Variants in CNOT10 observed in about 807,000 individuals in gnomAD.
CNOT10 encodes the protein CCR4-NOT transcription complex, subunit 10.
A neutral mutation model predicts 94.6 loss-of-function variants in CNOT10; 30 were observed. The observed-to-expected ratio is 0.32, with a 90% confidence interval of 0.24 to 0.43. The LOEUF (loss-of-function observed/expected upper bound fraction) is 0.43. Among genes scored for constraint, CNOT10 ranks in the 20% least tolerant of loss-of-function variants. CNOT10 has a pLI of 1.00. For synonymous variants in CNOT10, 289 were observed against 301.6 expected (o/e 0.96, Z 0.43); for missense variants, 759 against 877.2 (o/e 0.87, Z 1.70).
At position 32,733,493 on chromosome 3, in the gene CNOT10, A is replaced by C. The variant is rs1559499763; in HGVS notation, c.1286A>C (p.Tyr429Ser). 6 of 1,605,552 alleles carry C rather than the reference A, an allele frequency of 3.7e-6. No homozygotes were observed. The highest frequency in any genetic ancestry group is 5.1e-6 in the Non-Finnish European group (6 of 1,173,784). ...GIVQSIVGQG[Y>S]HRKIVLASQS... ...GTACAGTCTATTGTTGGTCAAGGCT[A>C]TCATCGTAAAATAGTTTTGGCATCA... is the stretch of plus-strand genomic sequence containing the variant. The change falls in exon 11 of 19, where the codon TAT (tyrosine) becomes TCT (serine). Residue 429 changes from tyrosine (Y) to serine (S), a missense_variant. Tyr to Ser is a moderately radical substitution (Grantham distance 144, BLOSUM62 -2). Transcript: ENST00000328834.
chr3:32,758,973 G>T (rs553916203), intron 13 of CNOT10, among the ~76,000 whole-genome samples: 1 of 152,150 alleles, frequency 6.6e-6, no homozygotes, highest in Non-Finnish European at 1.5e-5. Flanking sequence ...GTTGAGAAAA[G>T]AACATTTAAA....
At position 32,725,455 on chromosome 3, in the gene CNOT10, T is replaced by C; in HGVS notation, c.868T>C (p.Cys290Arg). 6.2e-7 allele frequency: 1 copy of C among 1,612,756 alleles called. No individual in the cohort carries two copies. Among genetic ancestry groups the C allele is most frequent in the African/African-American group, 1.3e-5 (1 of 75,010 alleles). Residue 290 changes from cysteine (C) to arginine (R), a missense_variant, in exon 9 of 19, where the codon TGC becomes CGC. Cys to Arg is a radical substitution (Grantham distance 180). Around this residue, in one of 3 missense-constraint regions of CNOT10, gnomAD observed 682 missense variants for 799.4 expected, o/e 0.85. Transcript: ENST00000328834. ...TTTATTTGCATTTTTTTCAGGTGAA[T>C]GCTTGAGATGCATGTTCTGGAATAA... ...EHPGFMKTGE[C>R]LRCMFWNNLG... is the part of the protein sequence containing the mutation.
At chr3:32,771,190 G>C (rs962616699) in intron 18 of CNOT10, among the ~76,000 whole-genome samples, 2 of 152,006 alleles carry the variant, frequency 1.3e-5, no homozygotes, top group African/African-American at 2.4e-5. Context: ...AGCTGGGTGT[G>C]GTGGTGTGCG....
At chr3:32,707,760 G>T (rs1402866722) in intron 3 of CNOT10, among the ~76,000 whole-genome samples, 1 of 151,796 alleles carries the variant, frequency 6.6e-6, no homozygotes, top group Non-Finnish European at 1.5e-5. Flanking sequence ...CTGAGTTCGT[G>T]CCACTGCACT....
chr3:32,737,813 AAAAG>A (rs1327170220), intron 13 of CNOT10, among the ~76,000 whole-genome samples: 1 of 152,160 alleles, frequency 6.6e-6, no homozygotes, highest in Non-Finnish European at 1.5e-5. Flanking sequence ...CTCAAAAAAA[AAAAG>A]AACACATTCT....
chr3:32,760,623 C>T (rs1478218884), intron 14 of CNOT10, among the ~76,000 whole-genome samples: 1 of 152,096 alleles, frequency 6.6e-6, no homozygotes, highest in Non-Finnish European at 1.5e-5. Flanking sequence ...CACAGCAAGA[C>T]TCCCTCTCAA....
At chr3:32,722,705 C>T (rs1012579771) in intron 8 of CNOT10, among the ~76,000 whole-genome samples, 2 of 152,086 alleles carry the variant, frequency 1.3e-5, no homozygotes, top group Admixed American at 6.6e-5. Context: ...GATGGCCAGG[C>T]GTGGTGGCTC....
intron 8 of CNOT10, among the ~76,000 whole-genome samples, chr3:32,720,929 TCCTTCCCTTCTTC>T (rs1698365079): frequency 7.1e-6 from 1 of 140,752 alleles, no homozygotes; most frequent in Non-Finnish European, 1.5e-5. Flanking sequence ...CTTCCTTCCT[TCCTTCCCTTCTTC>T]CCTTCCTTCC....
intron 13 of CNOT10, among the ~76,000 whole-genome samples, chr3:32,743,168 G>T (rs1236763792): frequency 6.6e-6 from 1 of 151,674 alleles, no homozygotes; most frequent in Non-Finnish European, 1.5e-5. Context: ...TATATTTTTA[G>T]TAGAGGTGGG....
chr3:32,698,797 G>A (rs1697196445), intron 1 of CNOT10, among the ~76,000 whole-genome samples: 1 of 152,050 alleles, frequency 6.6e-6, no homozygotes, highest in African/African-American at 2.4e-5. Context: ...TTTATTTTTA[G>A]TTTATTAAGA....
chr3:32,713,661 C>T (rs1482903275), intron 5 of CNOT10, among the ~76,000 whole-genome samples: 1 of 152,150 alleles, frequency 6.6e-6, no homozygotes, highest in Non-Finnish European at 1.5e-5. Context: ...CTCCCCATTT[C>T]CCCCTTTCCT....
At chr3:32,721,441 T>TC (rs1553632722) in intron 8 of CNOT10, among the ~76,000 whole-genome samples, 1 of 139,478 alleles carries the variant, frequency 7.2e-6, no homozygotes, top group African/African-American at 2.6e-5. Flanking sequence ...TTTTTTTTTT[T>TC]TTTTTTTTTT....
chr3:32,743,948 A>AT (rs1387990486), intron 13 of CNOT10, among the ~76,000 whole-genome samples: 2 of 152,068 alleles, frequency 1.3e-5, no homozygotes, highest in East Asian at 3.9e-4. Flanking sequence ...GTATATATAT[A>AT]TTTTTTTCTT....
At chr3:32,749,024 C>A (rs533043190) in intron 13 of CNOT10, among the ~76,000 whole-genome samples, 4 of 148,294 alleles carry the variant, frequency 2.7e-5, no homozygotes, top group South Asian at 2.1e-4. Context: ...GTTTCACCAT[C>A]TTGGCCAGGC....
chr3:32,722,333 C>A (rs1013395128), intron 8 of CNOT10, among the ~76,000 whole-genome samples: 1 of 152,086 alleles, frequency 6.6e-6, no homozygotes, highest in Admixed American at 6.6e-5. Context: ...GGTATTATTT[C>A]TGTTCTAAAT....
intron 10 of CNOT10, among the ~76,000 whole-genome samples, chr3:32,731,450 A>G (rs1014368145): frequency 6.6e-6 from 1 of 152,188 alleles, no homozygotes; most frequent in Middle Eastern, 3.4e-3. Flanking sequence ...TTGGGATTCC[A>G]CCTGCAGGTA....
Position 32,720,086 on chromosome 3 carries a change from ATAAG to A in CNOT10, c.745-24_745-21del, listed in dbSNP as rs772765724. ...TACATTAGGCGTCTGAAAACAAATT[ATAAG>A]TAACTTTTATATTTTCTCTACAGTC... On this transcript the variant is annotated intron_variant, in intron 7 of 18. Transcript: ENST00000328834. 5.7e-5 allele frequency: 70 copies of A among 1,225,754 alleles called. No homozygotes were observed. The African/African-American group carries it at 7.7e-4, about 13-fold the overall frequency. 75.9% of individuals were successfully genotyped at this position (1,225,754 alleles called of 1,614,324 possible).
chr3:32,750,210 A>G (rs1300704331), intron 13 of CNOT10, among the ~76,000 whole-genome samples: 1 of 152,022 alleles, frequency 6.6e-6, no homozygotes, highest in South Asian at 2.1e-4. Context: ...TCAAAAAAGT[A>G]AGGCCTGGGC....
At chr3:32,761,366 G>T (rs1242819226) in intron 14 of CNOT10, among the ~76,000 whole-genome samples, 32 of 152,118 alleles carry the variant, frequency 2.1e-4, no homozygotes, top group Admixed American at 2.1e-3. Flanking sequence ...TCAGATTGTG[G>T]TGTATACGGC....
Sources: gnomAD v4.1 joint callset for allele counts (sites outside exome capture counted in the v4.1 genomes callset) on GRCh38, gnomAD v4.1.1 for gene constraint, gnomAD v4.1.1 regional missense constraint, MANE v1.5 for transcripts, NCBI Gene and HGNC (gene_info 2026-07-23, HGNC 2026-07-21) for gene names.